The following GAL3ST1 variants were observed in gnomAD, a reference collection of about 807,000 sequenced individuals.
GAL3ST1 encodes galactose-3-O-sulfotransferase 1.
GAL3ST1 carries 13 observed loss-of-function variants against 25.0 expected under a neutral mutation model. The observed-to-expected ratio is 0.52, with a 90% CI of 0.34 to 0.83. GAL3ST1 has a LOEUF of 0.83. Among genes scored for constraint, GAL3ST1 ranks in the 40% least tolerant of loss-of-function variants. The pLI is 0.02. For synonymous variants in GAL3ST1, 274 were observed against 277.8 expected (o/e 0.99, Z 0.14); for missense variants, 474 against 613.6 (o/e 0.77, Z 2.40).
Position 30,554,774 on chromosome 22 carries a change from G to A in GAL3ST1, c.*179C>T. The A allele has an allele frequency of 1.8e-6, 1 of 542,248 alleles. No individual in the cohort carries two copies. Among genetic ancestry groups the A allele is most frequent in the South Asian group, 2.8e-5 (1 of 35,172 alleles). The allele number at this position is 542,248 out of a possible 1,614,324, so 33.6% of individuals were successfully genotyped here. ...ATTAGTTAAATACTGATCTCGGTTA[G>A]GCCCTCTCTGTGTTCATGGGCCCAG... On this transcript the variant is annotated 3_prime_UTR_variant, in exon 4 of 4. Transcript: ENST00000406361.
At chr22:30,563,903 G>A (rs1428943574) in intron 1 of GAL3ST1, among the ~76,000 whole-genome samples, 2 of 134,082 alleles carry the variant, frequency 1.5e-5, no homozygotes, top group Admixed American at 7.8e-5. Flanking sequence ...GCGACAGAGC[G>A]AGACCCCGTC....
At chr22:30,571,082 A>G (rs12628099) in intron 1 of GAL3ST1, among the ~76,000 whole-genome samples, 3,717 of 152,198 alleles carry the variant, frequency 0.024, 150 homozygotes, top group East Asian at 0.2. Context: ...GAAAATCTGC[A>G]GCCTGGCTGG....
rs4149493 is a variant in GAL3ST1, at chr22:30,556,027, G to A, written c.198C>T (p.Asn66=). The A allele has an allele frequency of 4.0e-4, 638 of 1,612,822 alleles. 8 individuals are homozygous for A. In the East Asian group the frequency reaches 0.013, roughly 32 times the overall value. Residue 66 remains asparagine (N), a synonymous_variant, in exon 4 of 4, where the codon AAC becomes AAT. Coordinates refer to ENST00000406361, the MANE Select transcript of GAL3ST1 (RefSeq NM_001318104.2). The part of the protein sequence containing the change: ...ALEPEAVIRA[N]GSAGECQPRR... Reference sequence around the variant, plus strand: ...GCGGCTGGCACTCCCCCGCCGAGCCGTTGGCCCGGATCACTGCCTCTGGCT... The same window carrying A: ...GCGGCTGGCACTCCCCCGCCGAGCCATTGGCCCGGATCACTGCCTCTGGCT...
chr22:30,573,264 G>C (rs2086830105), intron 1 of GAL3ST1, among the ~76,000 whole-genome samples: 1 of 152,192 alleles, frequency 6.6e-6, no homozygotes. Flanking sequence ...AAGGAGCAGA[G>C]AGAGGTCATG....
intron 1 of GAL3ST1, chr22:30,560,239 A>T (rs1005059707): frequency 3.3e-5 from 5 of 152,214 alleles, no homozygotes; most frequent in Non-Finnish European, 7.3e-5. Context: ...TGCAAAGCGG[A>T]ATAAACCCGG....
At chr22:30,556,227 T>TCCAGGCTGGGTGCCTGCGC in intron 3 of GAL3ST1, 134 bp from the exon 4 acceptor site, 1 of 731,552 alleles carries the variant, frequency 1.4e-6, no homozygotes, top group Non-Finnish European at 2.2e-6. Context: ...GGGGCCTGAG[T>TCCAGGCTGGGTGCCTGCGC]CCAGGCTGGG....
At chr22:30,566,632 CAG>C (rs2086633483) in intron 1 of GAL3ST1, among the ~76,000 whole-genome samples, 1 of 151,526 alleles carries the variant, frequency 6.6e-6, no homozygotes, top group Non-Finnish European at 1.5e-5. Context: ...TTTCTTGAGA[CAG>C]AGTCTCGCTC....
intron 1 of GAL3ST1, among the ~76,000 whole-genome samples, chr22:30,571,241 G>A (rs577263502): frequency 5.9e-5 from 9 of 152,238 alleles, no homozygotes; most frequent in South Asian, 4.1e-4. Context: ...CAGAAGGGGC[G>A]GATGGGATAG....
intron 1 of GAL3ST1, among the ~76,000 whole-genome samples, chr22:30,564,664 G>C (rs112814252): frequency 1.2e-4 from 19 of 152,130 alleles, no homozygotes; most frequent in African/African-American, 4.1e-4. Context: ...TGCCCTCCAG[G>C]GAATGAAGGA....
In GAL3ST1 at chr22:30,557,034, C is replaced by T. The variant is rs572569131; in HGVS notation, c.131+228G>A. Among the ~76,000 whole-genome samples, 16 of 152,342 alleles carry T rather than the reference C, an allele frequency of 1.1e-4. 1 individual carries two copies. In the East Asian group the frequency reaches 2.1e-3, roughly 20 times the overall value. ...ACAGGCGTGAGTTGCCGTGCCCAGC[C>T]GAAAGGCTCTGTTTTTATCCCCACT... On this transcript the variant is annotated intron_variant, in intron 3 of 3. Coordinates refer to ENST00000406361, the MANE Select transcript of GAL3ST1 (RefSeq NM_001318104.2).
intron 1 of GAL3ST1, among the ~76,000 whole-genome samples, chr22:30,573,497 C>T (rs1016281431): frequency 6.6e-6 from 1 of 152,176 alleles, no homozygotes. Flanking sequence ...TCCTGTGCCC[C>T]CTGTGTGGGC....
At chr22:30,571,775 A>T (rs376003665) in intron 1 of GAL3ST1, among the ~76,000 whole-genome samples, 19 of 152,122 alleles carry the variant, frequency 1.2e-4, no homozygotes, top group East Asian at 3.8e-4. Flanking sequence ...GAGGCAGGAG[A>T]ATGGTGTGAA....
intron 1 of GAL3ST1, among the ~76,000 whole-genome samples, chr22:30,565,596 C>T (rs2086595774): frequency 6.6e-6 from 1 of 152,186 alleles, no homozygotes; most frequent in Non-Finnish European, 1.5e-5. Flanking sequence ...AGCTCTAAAT[C>T]TTTCATCAGA....
chr22:30,567,309 G>A (rs1487181005), intron 1 of GAL3ST1, among the ~76,000 whole-genome samples: 1 of 152,188 alleles, frequency 6.6e-6, no homozygotes, highest in East Asian at 1.9e-4. Context: ...GTCTTGCTCT[G>A]TCACCCAGGC....
At chr22:30,557,468 C>G in intron 2 of GAL3ST1, 67 bp from the exon 3 acceptor site, 1 of 1,577,868 alleles carries the variant, frequency 6.3e-7, no homozygotes, top group East Asian at 2.2e-5. Flanking sequence ...CAAGGCTGCC[C>G]AGGCCTGGCA....
chr22:30,568,138 C>T (rs968916507), intron 1 of GAL3ST1, among the ~76,000 whole-genome samples: 5 of 152,198 alleles, frequency 3.3e-5, no homozygotes, highest in Non-Finnish European at 7.3e-5. Flanking sequence ...TGATGGACAA[C>T]GGATTGTCTG....
rs368393760 is a variant in GAL3ST1, at chr22:30,555,454, C to G, written c.771G>C (p.Glu257Asp). The G allele has an allele frequency of 3.1e-6, 5 of 1,612,928 alleles. No individual in the cohort carries two copies. In the African/African-American group the frequency reaches 6.7e-5, roughly 22 times the overall value. The change falls in exon 4 of 4, where the codon GAG becomes GAC. Residue 257 changes from glutamate to aspartate, a missense_variant. Transcript: ENST00000406361. The surrounding 1 kb of genome is among the most constrained non-coding windows in gnomAD (Gnocchi z 8.6). ...GCAGGTCCTTCAGCAGCACCAGCGA[C>G]TCGTCGAAGTACTCTTGAAGGAGCA... Reference protein sequence around the residue: ...HLVLLQEYFDESLVLLKDLLC... With the variant: ...HLVLLQEYFDDSLVLLKDLLC...
intron 3 of GAL3ST1, among the ~76,000 whole-genome samples, chr22:30,556,559 G>C (rs899982234): frequency 3.3e-5 from 5 of 152,162 alleles, no homozygotes; most frequent in Admixed American, 6.5e-5. Flanking sequence ...GGGAGAGCCT[G>C]GTTCTCAGGA....
intron 1 of GAL3ST1, among the ~76,000 whole-genome samples, chr22:30,563,790 C>T (rs927978768): frequency 2.0e-5 from 3 of 151,764 alleles, no homozygotes; most frequent in African/African-American, 7.3e-5. Flanking sequence ...GTGGCAGGCA[C>T]CTGTAGTCCC....
Sources: gnomAD v4.1 joint callset for allele counts (sites outside exome capture counted in the v4.1 genomes callset) on GRCh38, gnomAD v4.1.1 for gene constraint, Gnocchi (gnomAD v3.1) non-coding constraint, MANE v1.5 for transcripts, NCBI Gene and HGNC (gene_info 2026-07-23, HGNC 2026-07-21) for gene names.